The following THADA variants were observed in gnomAD, a reference collection of about 807,000 sequenced individuals.
The protein encoded by THADA is tRNA (32-2'-O)-methyltransferase regulator THADA.
Under a neutral mutation model 219.8 loss-of-function variants are expected in THADA, and 213 were observed. The ratio of observed to expected loss-of-function variants is 0.97; its 90% CI spans 0.87 to 1.09. The LOEUF is 1.09. Ranked by LOEUF, THADA falls within the 50% of genes least tolerant of loss-of-function variation. The pLI is 0.00. For missense variants in THADA, 2,956 were observed against 2,311.3 expected, an observed-to-expected ratio of 1.28 and a Z score of -5.72; for synonymous variants, 1,018 against 828.9, an observed-to-expected ratio of 1.23 and a Z score of -3.92.
intron 31 of THADA, among the ~76,000 whole-genome samples, chr2:43,315,446 T>G (rs1677963207): frequency 6.6e-6 from 1 of 152,116 alleles, no homozygotes; most frequent in South Asian, 2.1e-4. Context: ...CATCTCCAGT[T>G]ACATTCTTTT....
chr2:43,293,513 C>A (rs549268220), intron 31 of THADA, among the ~76,000 whole-genome samples: 1 of 152,086 alleles, frequency 6.6e-6, no homozygotes, highest in Non-Finnish European at 1.5e-5. Flanking sequence ...CTCTTATCAC[C>A]GAGCCTCAAA....
intron 28 of THADA, among the ~76,000 whole-genome samples, chr2:43,416,924 G>A (rs1573542755): frequency 6.6e-6 from 1 of 151,892 alleles, no homozygotes; most frequent in East Asian, 1.9e-4. Flanking sequence ...TAATGTAAAC[G>A]CTTCACAGAT....
intron 26 of THADA, among the ~76,000 whole-genome samples, chr2:43,436,103 G>GAGT (rs1397269728): frequency 5.9e-5 from 9 of 152,160 alleles, no homozygotes; most frequent in Non-Finnish European, 1.3e-4. Context: ...AGTGGCCCAT[G>GAGT]AGTACATAAA....
At chr2:43,324,905 A>G (rs1679141991) in intron 30 of THADA, among the ~76,000 whole-genome samples, 1 of 152,228 alleles carries the variant, frequency 6.6e-6, no homozygotes, top group Non-Finnish European at 1.5e-5. Context: ...AGAAGTGATC[A>G]GCATGTAGCA....
intron 28 of THADA, among the ~76,000 whole-genome samples, chr2:43,417,604 A>G (rs574649500): frequency 6.6e-6 from 1 of 152,338 alleles, no homozygotes; most frequent in Non-Finnish European, 1.5e-5. Flanking sequence ...AAGAAAGCAA[A>G]GTAAGTCCAA....
At chr2:43,511,193 G>C (rs1045887328) in intron 22 of THADA, among the ~76,000 whole-genome samples, 1 of 152,070 alleles carries the variant, frequency 6.6e-6, no homozygotes, top group African/African-American at 2.4e-5. Context: ...TCTCCTGTAG[G>C]GGATTTGCTA....
rs771846144 is a variant in THADA at position 43,556,557 on chromosome 2, T to C, written c.2464-2A>G. 2 of 1,612,956 alleles carry C rather than the reference T, an allele frequency of 1.2e-6. No individual in the cohort carries two copies. Among genetic ancestry groups the C allele is most frequent in the Non-Finnish European group, 8.5e-7 (1 of 1,179,392 alleles). Reference sequence around the variant, plus strand: ...TAAGCCTTGCAGTTTCCCCGAATCCTAGAATAAAGCGCAGACTCAGTAACT... The same window carrying C: ...TAAGCCTTGCAGTTTCCCCGAATCCCAGAATAAAGCGCAGACTCAGTAACT... On this transcript the variant is annotated splice_acceptor_variant, in intron 16 of 37. Transcript: ENST00000405975. LOFTEE classifies it high-confidence loss of function.
At chr2:43,503,627 T>C (rs1689296773) in intron 24 of THADA, among the ~76,000 whole-genome samples, 2 of 152,196 alleles carry the variant, frequency 1.3e-5, no homozygotes, top group South Asian at 4.1e-4. Flanking sequence ...GTTTCAAATA[T>C]GTTCATTATT....
At chr2:43,252,719 C>A (rs1282375212) in intron 36 of THADA, among the ~76,000 whole-genome samples, 1 of 152,178 alleles carries the variant, frequency 6.6e-6, no homozygotes, top group Non-Finnish European at 1.5e-5. Flanking sequence ...GTCCCCAGTG[C>A]TCTTGTCAAT....
chr2:43,541,590 C>G (rs946713737), intron 20 of THADA, among the ~76,000 whole-genome samples: 1 of 151,974 alleles, frequency 6.6e-6, no homozygotes, highest in African/African-American at 2.4e-5. Context: ...CTCACTGCAG[C>G]CTTGACCTCC....
chr2:43,306,678 C>T (rs1420584678), intron 31 of THADA, among the ~76,000 whole-genome samples: 1 of 152,184 alleles, frequency 6.6e-6, no homozygotes, highest in Admixed American at 6.5e-5. Flanking sequence ...GTGCAGTATA[C>T]AGCTGCTAGC....
intron 27 of THADA, 95 bp downstream of exon 27, chr2:43,430,118 A>C (rs1303497797): frequency 1.7e-6 from 1 of 592,700 alleles, no homozygotes; most frequent in Non-Finnish European, 2.7e-6. Flanking sequence ...AAAGGGAAGA[A>C]TTTTATTAAA....
At chr2:43,383,163 G>A (rs1231086642) in intron 29 of THADA, among the ~76,000 whole-genome samples, 2 of 152,068 alleles carry the variant, frequency 1.3e-5, no homozygotes, top group Non-Finnish European at 2.9e-5. Context: ...TTTTGAAAAA[G>A]AAGAAATAAT....
chr2:43,269,238 T>C (rs1240853602), intron 36 of THADA, among the ~76,000 whole-genome samples: 3 of 152,196 alleles, frequency 2.0e-5, no homozygotes, highest in Non-Finnish European at 2.9e-5. Context: ...GGGCTTATCA[T>C]CACCCACAGG....
intron 30 of THADA, among the ~76,000 whole-genome samples, chr2:43,342,083 C>A (rs553555413): frequency 6.6e-6 from 1 of 152,140 alleles, no homozygotes; most frequent in African/African-American, 2.4e-5. Flanking sequence ...GGCATAGTGG[C>A]GTGTGCCTGT....
At chr2:43,380,506 G>C (rs1671875756) in intron 29 of THADA, among the ~76,000 whole-genome samples, 1 of 152,202 alleles carries the variant, frequency 6.6e-6, no homozygotes, top group East Asian at 1.9e-4. Context: ...TACTGGAGTA[G>C]AGTCAAAGAC....
rs556398547 is a variant in THADA, at chr2:43,538,859, C to T, written c.3264+2300G>A. On this transcript the variant is annotated intron_variant, in intron 21 of 37. Coordinates refer to ENST00000405975, the MANE Select transcript of THADA (RefSeq NM_022065.5). ...ATTATAAACAAGCCCCATTTCTTCT[C>T]CCCACACAGCAACAAAAAACCCCAA... Among the ~76,000 whole-genome samples, 87 of 152,274 alleles carry T rather than the reference C, an allele frequency of 5.7e-4. 1 individual carries two copies. The highest frequency in any genetic ancestry group is 2.0e-3 in the African/African-American group (85 of 41,546).
chr2:43,505,789 T>C (rs1689599648), intron 23 of THADA, 54 bp from the exon 24 acceptor site: 1 of 1,284,094 alleles, frequency 7.8e-7, no homozygotes, highest in South Asian at 1.3e-5. Flanking sequence ...ATATACTTGT[T>C]TGCTGCTTCC....
At chr2:43,483,640 T>C (rs920409452) in intron 26 of THADA, among the ~76,000 whole-genome samples, 5 of 152,080 alleles carry the variant, frequency 3.3e-5, no homozygotes, top group African/African-American at 1.2e-4. Flanking sequence ...TCCATCATTG[T>C]AACTTTGGCA....
Sources: gnomAD v4.1 joint callset for allele counts (sites outside exome capture counted in the v4.1 genomes callset) on GRCh38, gnomAD v4.1.1 for gene constraint, MANE v1.5 for transcripts, NCBI Gene and HGNC (gene_info 2026-07-23, HGNC 2026-07-21) for gene names.